The following USP6NL variants were observed in gnomAD, a reference collection of about 807,000 sequenced individuals.
USP6NL encodes USP6 N-terminal like, also known as USP6 N-terminal-like protein.
Under a neutral mutation model 61.9 loss-of-function variants are expected in USP6NL, and 26 were observed. That is an observed-to-expected ratio of 0.42 (90% confidence interval 0.31 to 0.58). The LOEUF (loss-of-function observed/expected upper bound fraction) is 0.58, where lower values mean the gene tolerates loss of function less well. Among genes scored for constraint, USP6NL ranks in the 20% least tolerant of loss-of-function variants. The probability of loss-of-function intolerance (pLI) is 0.16; values close to 1 mark genes in which losing one functional copy is unlikely to be tolerated. For missense variants in USP6NL, 1,114 were observed against 1,034.3 expected (o/e 1.08, Z -1.06); for synonymous variants, 432 against 390.1 (o/e 1.11, Z -1.27).
In USP6NL at chr10:11,465,460, C is replaced by G. The variant is rs376486616; in HGVS notation, c.1079-1611G>C. On this transcript the variant is annotated intron_variant, in intron 14 of 14. Coordinates refer to ENST00000609104, the MANE Select transcript of USP6NL (RefSeq NM_014688.5). This position sits in a 1 kb window ranked among gnomAD's most constrained non-coding sequence, Gnocchi z 4.5. ...GAGCCCTGGAAGCTGCCTCACTTCTCCACCACTCACTGGCCTGCAGAGAGC... is the reference window on the plus strand; with the variant it reads ...GAGCCCTGGAAGCTGCCTCACTTCTGCACCACTCACTGGCCTGCAGAGAGC... Among the ~76,000 whole-genome samples, 11 of 152,338 alleles carry G rather than the reference C, an allele frequency of 7.2e-5. No homozygotes were observed. The highest frequency in any genetic ancestry group is 2.6e-4 in the African/African-American group (11 of 41,570).
At chr10:11,539,680 G>C (rs1407962165) in intron 2 of USP6NL, among the ~76,000 whole-genome samples, 1 of 152,208 alleles carries the variant, frequency 6.6e-6, no homozygotes, top group Non-Finnish European at 1.5e-5. Flanking sequence ...TACAGTTGCT[G>C]ACAAAGTCAA....
chr10:11,463,930 C>A lies in USP6NL; in HGVS notation c.1079-81G>T. On this transcript the variant is annotated intron_variant, in intron 14 of 14. Coordinates refer to ENST00000609104, the MANE Select transcript of USP6NL (RefSeq NM_014688.5). The surrounding 1 kb of genome is among the most constrained non-coding windows in gnomAD (Gnocchi z 6.3). ...TGAAGCAATCCATTAGTAACAATGG[C>A]ATGCTTTTCATCTGTGCACAGATAC... is the stretch of plus-strand genomic sequence containing the variant. 4 of 1,292,276 alleles carry A rather than the reference C, an allele frequency of 3.1e-6. No homozygotes were observed. Among genetic ancestry groups the A allele is most frequent in the Non-Finnish European group, 4.2e-6 (4 of 955,512 alleles). The allele number at this position is 1,292,276 out of a possible 1,614,324, so 80.1% of individuals were successfully genotyped here. A position where few individuals can be genotyped will look rare whatever the true frequency, so the allele number is the denominator to read the frequency against.
intron 2 of USP6NL, 137 bp from the exon 3 acceptor site, chr10:11,527,704 T>C: frequency 1.3e-6 from 1 of 794,254 alleles, no homozygotes; most frequent in Non-Finnish European, 2.0e-6. Flanking sequence ...AATAAAAGGA[T>C]GAGTTAAGTA....
At position 11,476,858 on chromosome 10, in the gene USP6NL, C is replaced by A. The variant is rs1342235262; in HGVS notation, c.1078+4912G>T. The stretch of plus-strand genomic sequence containing the variant: ...CATACTATGAAATAAATAAATCAAG[C>A]ATTTGACTTTTTTTATTATTATTAT... On this transcript the variant is annotated intron_variant, in intron 14 of 14. Coordinates refer to ENST00000609104, the MANE Select transcript of USP6NL (RefSeq NM_014688.5). The surrounding 1 kb of genome is among the most constrained non-coding windows in gnomAD (Gnocchi z 4.3). Among the ~76,000 whole-genome samples the A allele has an allele frequency of 5.9e-5, 9 of 151,898 alleles. No homozygotes were observed. Among genetic ancestry groups the A allele is most frequent in the Non-Finnish European group, 1.3e-4 (9 of 67,932 alleles).
At chr10:11,547,395 G>A (rs1399605507) in intron 2 of USP6NL, among the ~76,000 whole-genome samples, 1 of 152,206 alleles carries the variant, frequency 6.6e-6, no homozygotes. Flanking sequence ...GCAGGCGGCA[G>A]AGCGGGATGT....
chr10:11,500,936 T>G (rs1566139241), intron 7 of USP6NL, among the ~76,000 whole-genome samples, 165 bp downstream of exon 7: 1 of 152,252 alleles, frequency 6.6e-6, no homozygotes, highest in South Asian at 2.1e-4. Flanking sequence ...ATTTAAGAAG[T>G]ATTTTTGCAA....
intron 14 of USP6NL, among the ~76,000 whole-genome samples, chr10:11,472,496 C>T (rs1220495783): frequency 6.6e-6 from 1 of 152,264 alleles, no homozygotes; most frequent in Non-Finnish European, 1.5e-5. Context: ...GAAGAATACA[C>T]ACACTCTGAC....
intron 3 of USP6NL, among the ~76,000 whole-genome samples, chr10:11,526,936 T>A (rs902711613): frequency 6.6e-6 from 1 of 152,184 alleles, no homozygotes; most frequent in Non-Finnish European, 1.5e-5. Flanking sequence ...AAATTTATAA[T>A]AGCAGATGTA....
intron 1 of USP6NL, among the ~76,000 whole-genome samples, chr10:11,610,579 A>T (rs1310808943): frequency 6.7e-6 from 1 of 150,110 alleles, no homozygotes; most frequent in Non-Finnish European, 1.5e-5. Context: ...GATTGAAACC[A>T]TTTTCTTTCA....
chr10:11,469,449 G>A (rs544211891), intron 14 of USP6NL, among the ~76,000 whole-genome samples: 1 of 152,332 alleles, frequency 6.6e-6, no homozygotes, highest in East Asian at 1.9e-4. Flanking sequence ...AGGGTTCGGG[G>A]GGGAAGAAAT....
intron 2 of USP6NL, among the ~76,000 whole-genome samples, chr10:11,558,182 T>A (rs766552186): frequency 1.3e-5 from 2 of 152,128 alleles, no homozygotes; most frequent in African/African-American, 4.8e-5. Context: ...CCAAACAACT[T>A]TGGAGCCCTG....
At chr10:11,583,348 C>A (rs543103863) in intron 2 of USP6NL, among the ~76,000 whole-genome samples, 1 of 146,092 alleles carries the variant, frequency 6.8e-6, no homozygotes, top group East Asian at 2.0e-4. Context: ...CCACTGTGGC[C>A]GGCTAAATTT....
chr10:11,532,474 A>C lies in USP6NL; in HGVS notation c.5-4907T>G, dbSNP rs1286302414. On this transcript the variant is annotated intron_variant, in intron 2 of 14. Transcript: ENST00000609104. The surrounding 1 kb of genome is among the most constrained non-coding windows in gnomAD (Gnocchi z 4.1). ...TACACAGACTATATATTTTCAAACA[A>C]AGCTGATCATTGTTGAGGGTGAAAA... Among the ~76,000 whole-genome samples the C allele has an allele frequency of 6.6e-6, 1 of 152,224 alleles. No homozygotes were observed. Among genetic ancestry groups the C allele is most frequent in the Non-Finnish European group, 1.5e-5 (1 of 68,040 alleles).
intron 1 of USP6NL, among the ~76,000 whole-genome samples, chr10:11,607,677 C>T (rs1838753807): frequency 6.6e-6 from 1 of 152,046 alleles, no homozygotes; most frequent in Admixed American, 6.5e-5. Flanking sequence ...CAGGGTGAGA[C>T]CCTGTCACAG....
intron 6 of USP6NL, among the ~76,000 whole-genome samples, chr10:11,502,311 A>C (rs1834238112): frequency 6.6e-6 from 1 of 152,028 alleles, no homozygotes; most frequent in African/African-American, 2.4e-5. Flanking sequence ...CATCCTTGAA[A>C]GTGTACTGCT....
At chr10:11,556,160 C>A (rs1836699595) in intron 2 of USP6NL, among the ~76,000 whole-genome samples, 1 of 152,112 alleles carries the variant, frequency 6.6e-6, no homozygotes. Flanking sequence ...TAAAGGCAGA[C>A]AGGGCATAAA....
At chr10:11,545,833 T>C (rs1836252892) in intron 2 of USP6NL, among the ~76,000 whole-genome samples, 1 of 152,248 alleles carries the variant, frequency 6.6e-6, no homozygotes, top group Admixed American at 6.5e-5. Context: ...TATCTTCTCC[T>C]GTGAACTTGT....
rs1838331980 is a variant in USP6NL, at chr10:11,596,492, C to T, written c.4+1139G>A. Among the ~76,000 whole-genome samples, 1 of 151,990 alleles carries T rather than the reference C, an allele frequency of 6.6e-6. No individual in the cohort carries two copies. The highest frequency in any genetic ancestry group is 6.6e-5 in the Admixed American group (1 of 15,256). ...AAAAAAAATTAGCTGGGCCTGGTGG[C>T]GGGCGCCTGTAGTCCCAGCTACTCG... is the stretch of plus-strand genomic sequence containing the variant. On this transcript the variant is annotated intron_variant, in intron 2 of 14. Transcript: ENST00000609104. The surrounding 1 kb of genome is among the most constrained non-coding windows in gnomAD (Gnocchi z 4.1).
At chr10:11,586,228 G>C in intron 2 of USP6NL, among the ~76,000 whole-genome samples, 1 of 152,210 alleles carries the variant, frequency 6.6e-6, no homozygotes, top group East Asian at 1.9e-4. Context: ...AAATGTAAAT[G>C]GGTGCAATCT....
Sources: allele counts gnomAD v4.1 joint callset (sites outside exome capture counted in the v4.1 genomes callset), GRCh38; gene constraint gnomAD v4.1.1; non-coding constraint Gnocchi (gnomAD v3.1); transcripts MANE v1.5; gene names NCBI Gene and HGNC (gene_info 2026-07-23, HGNC 2026-07-21).